The following TMEM223 variants were observed in gnomAD, a reference collection of about 807,000 sequenced individuals.
The protein encoded by TMEM223 is transmembrane protein 223.
A neutral mutation model predicts 14.1 loss-of-function variants in TMEM223; 14 were observed. The observed-to-expected ratio is 0.99, with a 90% CI of 0.66 to 1.55. The LOEUF (loss-of-function observed/expected upper bound fraction) is 1.55, where lower values mean the gene tolerates loss of function less well. Ranked by LOEUF, TMEM223 falls within the 40% of genes most tolerant of loss-of-function variation. The pLI, the probability that TMEM223 is intolerant of heterozygous loss-of-function variation, is 0.00. For missense variants in TMEM223, 346 were observed against 269.9 expected (o/e 1.28, Z -1.97); for synonymous variants, 145 against 120.5 (o/e 1.20, Z -1.33).
downstream of TMEM223, chr11:62,787,984 T>A: frequency 2.1e-6 from 1 of 465,876 alleles, no homozygotes; most frequent in Non-Finnish European, 4.3e-6. Context: ...GAGAAAACGC[T>A]GACGTAAAGG....
downstream of TMEM223, chr11:62,786,093 A>G (rs1156652305): frequency 7.6e-6 from 6 of 790,834 alleles, no homozygotes; most frequent in African/African-American, 1.7e-5. Flanking sequence ...GCTTAGGTAT[A>G]CAGTAGGTTC....
At position 62,790,894 on chromosome 11, in the gene TMEM223, C is replaced by G; in HGVS notation, c.338G>C (p.Gly113Ala). 3 of 1,591,624 alleles carry G rather than the reference C, an allele frequency of 1.9e-6. No homozygotes were observed. The East Asian group carries it at 6.8e-5, about 36-fold the overall frequency. ...CACAGACCGGAGAGAGAAGAGAAGA[C>G]CAGCACCGAGTACGAGGGCTCCTGC... is the stretch of plus-strand genomic sequence containing the variant. ...GAIGALVLGA[G>A]LLFSLRSVRS... Residue 113 changes from glycine to alanine, a missense_variant, in exon 2 of 2, where the codon GGT (glycine) becomes GCT (alanine). Physicochemically the swap from Gly to Ala is moderately conservative, Grantham distance 60. Transcript: ENST00000307366.
intron 2 of TMEM223, among the ~76,000 whole-genome samples, chr11:62,774,196 C>T (rs1295914464): frequency 6.6e-6 from 1 of 152,032 alleles, no homozygotes; most frequent in Non-Finnish European, 1.5e-5. Context: ...CCTGCCTCAG[C>T]CTCCCGAGTA....
chr11:62,771,727 C>T (rs2584917), exon 3 of TMEM223: 1 of 206,832 alleles, frequency 4.8e-6, no homozygotes, highest in African/African-American at 2.3e-5. Flanking sequence ...CCCACGCCTC[C>T]TCTCCAGCGT....
rs375107993 is a variant in TMEM223, at chr11:62,791,965, C to G, written c.30G>C (p.Thr10=). 2,330 of 1,565,260 alleles carry G rather than the reference C, an allele frequency of 1.5e-3. 34 individuals are homozygous for G. In the African/African-American group the frequency reaches 0.029, roughly 20 times the overall value. ...GGGGCCGCAGCACGGCTAGCAGCCC[C>G]GTGGGCCATCGCCTCCAAGGCGCCG... is the stretch of plus-strand genomic sequence containing the variant. The part of the protein sequence containing the change: MAAPWRRWP[T]GLLAVLRPLL... The change falls in exon 1 of 2, where the codon ACG becomes ACC. Residue 10 remains threonine (T), a synonymous_variant. Coordinates refer to ENST00000307366, the MANE Select transcript of TMEM223 (RefSeq NM_001080501.3).
chr11:62,776,348 A>C, intron 1 of TMEM223: 1 of 1,609,528 alleles, frequency 6.2e-7, no homozygotes, highest in Non-Finnish European at 8.5e-7. Flanking sequence ...CCTGCTTCAC[A>C]TCCTTTGACT....
At chr11:62,782,798 GGT>G, downstream of TMEM223, 1 of 1,613,944 alleles carries the variant, frequency 6.2e-7, no homozygotes. Flanking sequence ...ATGGAGCCGT[GGT>G]GGGGCTGCAT....
At chr11:62,791,381 C>T (rs1420955988) in intron 1 of TMEM223, among the ~76,000 whole-genome samples, 1 of 152,144 alleles carries the variant, frequency 6.6e-6, no homozygotes, top group Non-Finnish European at 1.5e-5. Context: ...CCTCAGCCTC[C>T]CGAGTAGCTG....
downstream of TMEM223, chr11:62,787,067 T>A: frequency 6.5e-7 from 1 of 1,528,158 alleles, no homozygotes; most frequent in Non-Finnish European, 8.7e-7. Flanking sequence ...CGCGACGTTT[T>A]CCAGAAGAGC....
chr11:62,775,529 A>G, intron 1 of TMEM223: 3 of 435,274 alleles, frequency 6.9e-6, no homozygotes, highest in Non-Finnish European at 1.2e-5. Context: ...GTGACAGGGC[A>G]GGAATGGGAC....
downstream of TMEM223, chr11:62,786,780 C>T: frequency 6.2e-7 from 1 of 1,612,022 alleles, no homozygotes. Context: ...TCGGTGACAG[C>T]TTGGCCACAC....
chr11:62,789,670 C>T, downstream of TMEM223: 1 of 1,546,010 alleles, frequency 6.5e-7, no homozygotes. Context: ...CCAACCTACA[C>T]AATGCTGAAG....
At chr11:62,789,682 G>A, downstream of TMEM223, 1 of 1,539,254 alleles carries the variant, frequency 6.5e-7, no homozygotes, top group Middle Eastern at 1.8e-4. Flanking sequence ...ATGCTGAAGT[G>A]AGACCCAAGG....
At chr11:62,775,773 C>T (rs1390517383) in intron 1 of TMEM223, 1 of 1,603,078 alleles carries the variant, frequency 6.2e-7, no homozygotes, top group African/African-American at 1.3e-5. Context: ...ACTCCCAGCT[C>T]CACTGGGGCC....
intron 1 of TMEM223, chr11:62,781,953 TTATG>T (rs746327823): frequency 6.2e-7 from 1 of 1,614,104 alleles, no homozygotes; most frequent in East Asian, 2.2e-5. Context: ...CTTACTTTGT[TTATG>T]TGGTCAGTGG....
intron 1 of TMEM223, among the ~76,000 whole-genome samples, chr11:62,781,078 A>G (rs1268425535): frequency 6.6e-6 from 1 of 151,778 alleles, no homozygotes; most frequent in Non-Finnish European, 1.5e-5. Context: ...TCTACTAAAA[A>G]TACAAAAATT....
intron 1 of TMEM223, chr11:62,778,824 G>A: frequency 6.5e-7 from 1 of 1,542,238 alleles, no homozygotes; most frequent in Non-Finnish European, 9.0e-7. Flanking sequence ...GCCAGGAGAG[G>A]GCCAGCTCTC....
chr11:62,790,107 C>G lies in TMEM223; in HGVS notation c.*516G>C, dbSNP rs2084341672. On this transcript the variant is annotated 3_prime_UTR_variant, in exon 2 of 2. Transcript: ENST00000307366. ...CCATGCCCAAGTGCCTGTAATCCCCCCCCTCAAGGCCCTGTTTATGTTGGG... is the reference window on the plus strand; with the variant it reads ...CCATGCCCAAGTGCCTGTAATCCCCGCCCTCAAGGCCCTGTTTATGTTGGG... 3 of 1,492,256 alleles carry G rather than the reference C, an allele frequency of 2.0e-6. No individual in the cohort carries two copies. The highest frequency in any genetic ancestry group is 1.4e-5 in the South Asian group (1 of 73,544). The allele number at this position is 1,492,256 out of a possible 1,614,324, so 92.4% of individuals were successfully genotyped here.
exon 3 of TMEM223, chr11:62,771,705 C>T (rs977208159): frequency 4.6e-4 from 87 of 190,334 alleles, no homozygotes; most frequent in African/African-American, 2.0e-3. Flanking sequence ...GCCCGGCCCG[C>T]GGAGGTCAGT....
Sources: allele counts gnomAD v4.1 joint callset (sites outside exome capture counted in the v4.1 genomes callset), GRCh38; gene constraint gnomAD v4.1.1; transcripts MANE v1.5; gene names NCBI Gene and HGNC (gene_info 2026-07-23, HGNC 2026-07-21).